PCDHGA2: variants seen among roughly 807,000 people sequenced by gnomAD.
The protein encoded by PCDHGA2 is protocadherin gamma-A2.
A neutral mutation model predicts 59.2 loss-of-function variants in PCDHGA2; 40 were observed. That is an observed-to-expected ratio of 0.68 (90% CI 0.52 to 0.88). The LOEUF (loss-of-function observed/expected upper bound fraction) is 0.88, where lower values mean the gene tolerates loss of function less well. Ranked by LOEUF, PCDHGA2 falls within the 40% of genes least tolerant of loss-of-function variation. PCDHGA2 has a pLI of 0.00. For synonymous variants in PCDHGA2, 560 were observed against 526.0 expected, an observed-to-expected ratio of 1.06 and a Z score of -0.89; for missense variants, 1,226 against 1,204.0, an observed-to-expected ratio of 1.02 and a Z score of -0.27.
chr5:141,389,471 A>T (rs1425309295), intron 1 of PCDHGA2: 1 of 1,613,092 alleles, frequency 6.2e-7, no homozygotes, highest in Non-Finnish European at 8.5e-7. Flanking sequence ...TCGAACTCAC[A>T]CTGCAGGCCC....
chr5:141,467,625 T>C (rs1407031447), intron 1 of PCDHGA2, among the ~76,000 whole-genome samples: 1 of 152,202 alleles, frequency 6.6e-6, no homozygotes, highest in African/African-American at 2.4e-5. Flanking sequence ...TGATTTGAGA[T>C]AGCATCTTTA....
intron 1 of PCDHGA2, among the ~76,000 whole-genome samples, chr5:141,435,696 A>G (rs932132128): frequency 1.3e-5 from 2 of 152,204 alleles, no homozygotes; most frequent in East Asian, 1.9e-4. Context: ...TGCTTATTGT[A>G]GAGTGGTTAC....
At position 141,433,401 on chromosome 5, in the gene PCDHGA2, A is replaced by C. The variant is rs181247960; in HGVS notation, c.2425-61406A>C. ...TATCTATCTATCTATCTATCTATCT[A>C]TCTATTACTTTCTTGTACAGACAGG... On this transcript the variant is annotated intron_variant, in intron 1 of 3. Transcript: ENST00000394576. Among the ~76,000 whole-genome samples, 679 of 150,596 alleles carry C rather than the reference A, an allele frequency of 4.5e-3. 8 individuals carry two copies. The highest frequency in any genetic ancestry group is 0.015 in the African/African-American group (630 of 40,956).
intron 1 of PCDHGA2, chr5:141,356,795 T>G: frequency 1.2e-6 from 2 of 1,613,984 alleles, no homozygotes; most frequent in Non-Finnish European, 1.7e-6. Flanking sequence ...CAGCTGCTGA[T>G]GACAGCCAGT....
In PCDHGA2 at chr5:141,486,487, C is replaced by T; in HGVS notation, c.2425-8320C>T. ...CTGGGAACCCTCCTCTCAGTACCCA[C>T]AGAACTATTTTCCTCAATATTTCAG... On this transcript the variant is annotated intron_variant, in intron 1 of 3. Coordinates refer to ENST00000394576, the MANE Select transcript of PCDHGA2 (RefSeq NM_018915.4). This position sits in a 1 kb window ranked among gnomAD's most constrained non-coding sequence, Gnocchi z 5.0. 1 of 1,614,086 alleles carries T rather than the reference C, an allele frequency of 6.2e-7. No individual in the cohort carries two copies. Among genetic ancestry groups the T allele is most frequent in the Non-Finnish European group, 8.5e-7 (1 of 1,179,918 alleles).
Position 141,339,087 on chromosome 5 carries a change from T to G in PCDHGA2, c.116T>G (p.Ile39Ser). 6.2e-7 allele frequency: 1 copy of G among 1,614,200 alleles called. No individual in the cohort carries two copies. The highest frequency in any genetic ancestry group is 8.5e-7 in the Non-Finnish European group (1 of 1,180,022). ...ATTCGCTATTCTGTGCGGGAAGAGA[T>G]CGACAGAGGCTCCTTCGTAGGCAAC... ...GQIRYSVREE[I>S]DRGSFVGNIA... Residue 39 changes from isoleucine to serine, a missense_variant, in exon 1 of 4, where the codon ATC becomes AGC. Ile to Ser is a moderately radical substitution (Grantham distance 142). Transcript: ENST00000394576.
In PCDHGA2 at chr5:141,490,175, A is replaced by C; in HGVS notation, c.2425-4632A>C. The C allele has an allele frequency of 1.9e-6, 3 of 1,614,194 alleles. No homozygotes were observed. Among genetic ancestry groups the C allele is most frequent in the East Asian group, 4.5e-5 (2 of 44,884 alleles). On this transcript the variant is annotated intron_variant, in intron 1 of 3. Coordinates refer to ENST00000394576, the MANE Select transcript of PCDHGA2 (RefSeq NM_018915.4). This position sits in a 1 kb window ranked among gnomAD's most constrained non-coding sequence, Gnocchi z 5.4. ...GTGTTGGGTCCCATAGACTTTGAGG[A>C]GTCACGTTTCTATGAAATTCATGCA...
At chr5:141,408,974 G>T (rs899313364) in intron 1 of PCDHGA2, 1 of 1,613,690 alleles carries the variant, frequency 6.2e-7, no homozygotes, top group South Asian at 1.1e-5. Flanking sequence ...TCTGCCCCCT[G>T]GGTCCCCTGT....
chr5:141,357,439 C>T (rs772687347), intron 1 of PCDHGA2: 1 of 1,614,206 alleles, frequency 6.2e-7, no homozygotes, highest in East Asian at 2.2e-5. Flanking sequence ...GGACGGGGTT[C>T]GGGCTTTCCT....
In PCDHGA2 at chr5:141,434,333, G is replaced by A. The variant is rs200059384; in HGVS notation, c.2425-60474G>A. On this transcript the variant is annotated intron_variant, in intron 1 of 3. Coordinates refer to ENST00000394576, the MANE Select transcript of PCDHGA2 (RefSeq NM_018915.4). The stretch of plus-strand genomic sequence containing the variant: ...TCTTCCTCTTGCTGCTTGTCTCTTT[G>A]TGTCGGGAACAGGCCCCCCAAAATC... Among the ~76,000 whole-genome samples, 23 of 152,220 alleles carry A rather than the reference G, an allele frequency of 1.5e-4. No individual in the cohort carries two copies. In the East Asian group the frequency reaches 4.3e-3, roughly 28 times the overall value.
chr5:141,413,909 T>A (rs772084941), intron 1 of PCDHGA2: 1 of 1,613,316 alleles, frequency 6.2e-7, no homozygotes. Flanking sequence ...AACGCGCCGG[T>A]CTTCACCTTG....
At chr5:141,346,115 G>T in intron 1 of PCDHGA2, 1 of 1,613,926 alleles carries the variant, frequency 6.2e-7, no homozygotes, top group Non-Finnish European at 8.5e-7. Context: ...TGTACCTGGT[G>T]GTGGCGGTGG....
chr5:141,421,541 T>A (rs1235004908), intron 1 of PCDHGA2: 9 of 1,613,912 alleles, frequency 5.6e-6, no homozygotes, highest in African/African-American at 1.3e-5. Flanking sequence ...TCCTGTTTTT[T>A]AAATATGGAA....
At chr5:141,394,549 C>T in intron 1 of PCDHGA2, 1 of 1,614,140 alleles carries the variant, frequency 6.2e-7, no homozygotes, top group Non-Finnish European at 8.5e-7. Flanking sequence ...GAGCTGGCGC[C>T]CCGCTCCGCA....
chr5:141,351,704 A>G, intron 1 of PCDHGA2: 1 of 1,613,904 alleles, frequency 6.2e-7, no homozygotes, highest in South Asian at 1.1e-5. Context: ...ACCCAACGGC[A>G]GAGTCTCCTA....
At chr5:141,375,282 A>G (rs564045445) in intron 1 of PCDHGA2, 6 of 1,613,866 alleles carry the variant, frequency 3.7e-6, no homozygotes, top group Middle Eastern at 1.6e-4. Flanking sequence ...TCAGTTGGCA[A>G]TTATTATCGA....
chr5:141,354,396 T>C (rs1759533156), intron 1 of PCDHGA2, among the ~76,000 whole-genome samples: 1 of 152,220 alleles, frequency 6.6e-6, no homozygotes, highest in African/African-American at 2.4e-5. Context: ...TGGCCAAGAA[T>C]CTACTGTACA....
intron 1 of PCDHGA2, chr5:141,390,051 A>C: frequency 6.2e-7 from 1 of 1,613,978 alleles, no homozygotes; most frequent in Non-Finnish European, 8.5e-7. Context: ...CGCCTCCTGG[A>C]GCTGCTTCCA....
rs1047637676 is a variant in PCDHGA2, at chr5:141,449,606, A to G, written c.2425-45201A>G. The stretch of plus-strand genomic sequence containing the variant: ...TCTGTCTCAAAAAAAAAAAAAAAAA[A>G]AGTAAAAAAGTTTTTTAAAAAGATG... On this transcript the variant is annotated intron_variant, in intron 1 of 3. Transcript: ENST00000394576. 3.9e-3 allele frequency among the ~76,000 whole-genome samples: 591 copies of G among 150,802 alleles called. 2 individuals carry two copies. The highest frequency in any genetic ancestry group is 0.01 in the Middle Eastern group (3 of 290).
Sources: allele counts gnomAD v4.1 joint callset (sites outside exome capture counted in the v4.1 genomes callset), GRCh38; gene constraint gnomAD v4.1.1; non-coding constraint Gnocchi (gnomAD v3.1); transcripts MANE v1.5; gene names NCBI Gene and HGNC (gene_info 2026-07-23, HGNC 2026-07-21).